PTCSC3: variants seen among roughly 807,000 people sequenced by gnomAD.
PTCSC3 encodes papillary thyroid carcinoma susceptibility candidate 3 (non-protein coding).
rs565134723 is a variant in PTCSC3, at chr14:36,142,512, G to A, written n.323-6156C>T. 2.0e-5 allele frequency among the ~76,000 whole-genome samples: 3 copies of A among 152,258 alleles called. 1 individual carries two copies. The highest frequency in any genetic ancestry group is 7.2e-5 in the African/African-American group (3 of 41,560). On this transcript the variant is annotated intron_variant and non_coding_transcript_variant, in intron 3 of 3. Coordinates refer to ENST00000556013, the Ensembl canonical transcript of PTCSC3. ...GGCCTATTAGAATAAATTAGTAAGT[G>A]TTCCCTCTGCTTCTGTTTTCTGGAA...
chr14:36,139,791 G>A (rs1881377384), intron 3 of PTCSC3, among the ~76,000 whole-genome samples: 1 of 152,200 alleles, frequency 6.6e-6, no homozygotes, highest in African/African-American at 2.4e-5. Flanking sequence ...TTGCATTAGT[G>A]TGGTATATTT....
chr14:36,137,510 T>C (rs1212993846), intron 3 of PTCSC3, among the ~76,000 whole-genome samples: 3 of 152,168 alleles, frequency 2.0e-5, no homozygotes, highest in Non-Finnish European at 4.4e-5. Flanking sequence ...GCTGGGAGGC[T>C]CTCACAACAA....
chr14:36,136,970 C>T (rs1881302398), intron 3 of PTCSC3, among the ~76,000 whole-genome samples: 1 of 152,114 alleles, frequency 6.6e-6, no homozygotes, highest in Non-Finnish European at 1.5e-5. Flanking sequence ...ACACAAAGTC[C>T]TTATTCTTGA....
intron 1 of PTCSC3, among the ~76,000 whole-genome samples, chr14:36,167,606 T>A (rs1197438812): frequency 6.6e-6 from 1 of 152,104 alleles, no homozygotes; most frequent in Non-Finnish European, 1.5e-5. Context: ...CTCAAAGACC[T>A]CAGTCCCCTC....
At chr14:36,143,602 G>C (rs962058797) in intron 3 of PTCSC3, among the ~76,000 whole-genome samples, 19 of 149,268 alleles carry the variant, frequency 1.3e-4, no homozygotes, top group African/African-American at 4.6e-4. Context: ...CTCCCATTCT[G>C]TAGGTTGCCT....
At chr14:36,164,454 GCATTTATGTGTTATTTTCTTATA>G (rs1882042007) in intron 1 of PTCSC3, among the ~76,000 whole-genome samples, 1 of 152,088 alleles carries the variant, frequency 6.6e-6, no homozygotes. Context: ...TGTAATCCTT[GCATTTATGTGTTATTTTCTTATA>G]AAGGGAATTT....
chr14:36,149,121 A>G (rs1881664731), intron 3 of PTCSC3, among the ~76,000 whole-genome samples: 1 of 152,040 alleles, frequency 6.6e-6, no homozygotes, highest in Non-Finnish European at 1.5e-5. Context: ...CTTTTCTAAT[A>G]TGTAAATTCA....
At chr14:36,138,490 CAAT>C (rs1218630647) in intron 3 of PTCSC3, among the ~76,000 whole-genome samples, 1 of 152,074 alleles carries the variant, frequency 6.6e-6, no homozygotes, top group Non-Finnish European at 1.5e-5. Flanking sequence ...AGTTATAACT[CAAT>C]AAGAGACAGA....
chr14:36,163,958 TAAC>T (rs985578599), intron 1 of PTCSC3, among the ~76,000 whole-genome samples: 2 of 152,194 alleles, frequency 1.3e-5, no homozygotes, highest in African/African-American at 4.8e-5. Context: ...AATTCATTTA[TAAC>T]AACAGACGGT....
chr14:36,169,147 A>G (rs958151237), intron 1 of PTCSC3, among the ~76,000 whole-genome samples: 3 of 152,144 alleles, frequency 2.0e-5, no homozygotes, highest in African/African-American at 2.4e-5. Context: ...GATCTTCCAA[A>G]TTTACACATT....
At chr14:36,167,978 A>G (rs1391290482) in intron 1 of PTCSC3, among the ~76,000 whole-genome samples, 1 of 151,970 alleles carries the variant, frequency 6.6e-6, no homozygotes, top group African/African-American at 2.4e-5. Context: ...TTTCTCACAA[A>G]AAGACACCCC....
chr14:36,166,016 C>G (rs569117698), intron 1 of PTCSC3, among the ~76,000 whole-genome samples: 1 of 152,246 alleles, frequency 6.6e-6, no homozygotes, highest in South Asian at 2.1e-4. Flanking sequence ...TCTAAACTTA[C>G]TGCAAAATAA....
downstream of PTCSC3, among the ~76,000 whole-genome samples, chr14:36,135,776 G>T (rs1382606910): frequency 6.6e-6 from 1 of 152,076 alleles, no homozygotes; most frequent in African/African-American, 2.4e-5. Flanking sequence ...GCTACTGTGA[G>T]CATAACCTAC....
chr14:36,142,460 A>G (rs1347973165), intron 3 of PTCSC3, among the ~76,000 whole-genome samples: 2 of 152,106 alleles, frequency 1.3e-5, no homozygotes, highest in Non-Finnish European at 1.5e-5. Context: ...CAATATCTTC[A>G]TCTGGTTTTG....
At chr14:36,138,410 C>G (rs1881336613) in intron 3 of PTCSC3, among the ~76,000 whole-genome samples, 2 of 152,160 alleles carry the variant, frequency 1.3e-5, no homozygotes, top group African/African-American at 2.4e-5. Flanking sequence ...AAAAGGCAAA[C>G]TAAAAACTGT....
intron 1 of PTCSC3, among the ~76,000 whole-genome samples, chr14:36,163,048 GAAGC>G (rs1882002709): frequency 1.3e-5 from 2 of 151,646 alleles, no homozygotes; most frequent in Non-Finnish European, 2.9e-5. Flanking sequence ...GTTAAAATCT[GAAGC>G]AAGAGTACTT....
At chr14:36,148,259 A>C (rs1401851483) in intron 3 of PTCSC3, among the ~76,000 whole-genome samples, 1 of 152,062 alleles carries the variant, frequency 6.6e-6, no homozygotes, top group Non-Finnish European at 1.5e-5. Context: ...CCCCTCCCCC[A>C]GCCTCGCTGC....
rs190883985 is a variant in PTCSC3, at chr14:36,157,849, G to C, written n.232-3955C>G. Among the ~76,000 whole-genome samples, 93 of 152,284 alleles carry C rather than the reference G, an allele frequency of 6.1e-4. 1 individual carries two copies. Among genetic ancestry groups the C allele is most frequent in the Middle Eastern group, 3.4e-3 (1 of 294 alleles). On this transcript the variant is annotated intron_variant and non_coding_transcript_variant, in intron 2 of 3. Transcript: ENST00000556013. ...TTCACTCTATAAATTACTTTGGGCTGTATGGCCATTTTCATGATATTGATT... is the reference window on the plus strand; with the variant it reads ...TTCACTCTATAAATTACTTTGGGCTCTATGGCCATTTTCATGATATTGATT...
intron 2 of PTCSC3, among the ~76,000 whole-genome samples, chr14:36,159,577 T>C (rs1881908361): frequency 1.3e-5 from 2 of 152,214 alleles, no homozygotes; most frequent in African/African-American, 4.8e-5. Flanking sequence ...TAATCCTGAG[T>C]TCTAATTTGA....
Sources: gnomAD v4.1 joint callset for allele counts (sites outside exome capture counted in the v4.1 genomes callset) on GRCh38, gnomAD v4.1.1 for gene constraint, MANE v1.5 for transcripts, NCBI Gene and HGNC (gene_info 2026-07-23, HGNC 2026-07-21) for gene names.